The following MAP3K19 variants were observed in gnomAD, a reference collection of about 807,000 sequenced individuals.
The protein encoded by MAP3K19 is mitogen-activated protein kinase kinase kinase 19.
MAP3K19 carries 91 observed loss-of-function variants against 114.4 expected under a neutral mutation model. The observed-to-expected ratio is 0.80, with a 90% CI of 0.67 to 0.95. The LOEUF is 0.95. Among genes scored for constraint, MAP3K19 ranks in the 40% least tolerant of loss-of-function variants. The probability of loss-of-function intolerance (pLI) is 0.00; values close to 1 mark genes in which losing one functional copy is unlikely to be tolerated. For missense variants in MAP3K19, 1,471 were observed against 1,573.2 expected (o/e 0.94, Z 1.10); for synonymous variants, 518 against 530.5 (o/e 0.98, Z 0.32).
At position 134,991,341 on chromosome 2, in the gene MAP3K19, C is replaced by A. The variant is rs571345873; in HGVS notation, c.618+196G>T. 1.7e-5 allele frequency: 10 copies of A among 590,514 alleles called. No homozygotes were observed. In the East Asian group the frequency reaches 2.8e-4, roughly 17 times the overall value. 36.6% of individuals were successfully genotyped at this position (590,514 alleles called of 1,614,324 possible). Reference sequence around the variant, plus strand: ...ACAAAACAAAACAAAACAAAACAACCGGTAGGCTATTAGTAGCTAAGTTTT... The same window carrying A: ...ACAAAACAAAACAAAACAAAACAACAGGTAGGCTATTAGTAGCTAAGTTTT... On this transcript the variant is annotated intron_variant, in intron 9 of 12. Transcript: ENST00000392915.
intron 10 of MAP3K19, among the ~76,000 whole-genome samples, chr2:134,985,387 G>C (rs927511911): frequency 6.6e-6 from 1 of 152,174 alleles, no homozygotes; most frequent in Non-Finnish European, 1.5e-5. Context: ...ACAAAATGGT[G>C]AGCCACTTCT....
intron 5 of MAP3K19, among the ~76,000 whole-genome samples, chr2:135,009,926 A>G (rs1050478323): frequency 6.6e-6 from 1 of 152,136 alleles, no homozygotes; most frequent in African/African-American, 2.4e-5. Flanking sequence ...GTTAGGATCT[A>G]TTATCTTCAT....
chr2:135,000,141 G>C, intron 6 of MAP3K19, 126 bp from the exon 7 acceptor site: 4 of 667,994 alleles, frequency 6.0e-6, no homozygotes, highest in Non-Finnish European at 1.1e-5. Context: ...TTAATCAGGA[G>C]CTGAGGTTTA....
intron 8 of MAP3K19, among the ~76,000 whole-genome samples, chr2:134,997,736 T>C (rs1294363742): frequency 1.3e-5 from 2 of 150,256 alleles, no homozygotes; most frequent in Non-Finnish European, 2.9e-5. Context: ...TGAGAATTGC[T>C]TGAACCCAGG....
chr2:135,023,412 T>A (rs769052555), intron 4 of MAP3K19: 1 of 531,922 alleles, frequency 1.9e-6, no homozygotes, highest in African/African-American at 1.9e-5. Flanking sequence ...TCACCCACCA[T>A]CATGTCCTCA....
chr2:135,000,222 C>A (rs541528886), intron 6 of MAP3K19, among the ~76,000 whole-genome samples: 20 of 152,244 alleles, frequency 1.3e-4, no homozygotes, highest in South Asian at 4.2e-4. Context: ...GAGCAAAAAA[C>A]CATATAATAA....
At chr2:135,033,682 C>T (rs1169610547) in intron 2 of MAP3K19, among the ~76,000 whole-genome samples, 4 of 54,204 alleles carry the variant, frequency 7.4e-5, no homozygotes, top group African/African-American at 1.3e-4. Context: ...CCCGGACGGG[C>T]GGCCGGCCGG....
intron 2 of MAP3K19, among the ~76,000 whole-genome samples, chr2:135,032,249 C>T (rs999183753): frequency 1.9e-4 from 28 of 151,004 alleles, no homozygotes; most frequent in African/African-American, 3.6e-4. Context: ...CCCAGCTATT[C>T]GGGAGGCTGA....
chr2:135,029,583 A>G (rs764016039), intron 3 of MAP3K19, among the ~76,000 whole-genome samples: 9 of 152,186 alleles, frequency 5.9e-5, no homozygotes, highest in Non-Finnish European at 1.3e-4. Context: ...CCTGAGTGGA[A>G]TATCTTTCAC....
Position 134,980,995 on chromosome 2 carries a change from T to C in MAP3K19, c.3746A>G (p.Asp1249Gly), listed in dbSNP as rs1267808769. Reference protein sequence around the residue: ...INESGYGRKSDIWSIGCTVFE... With the variant: ...INESGYGRKSGIWSIGCTVFE... ...CACAGTACAACCAATGCTCCAGATA[T>C]CTGATTTCCGTCCATAGCCAGACTC... is the stretch of plus-strand genomic sequence containing the variant. The change falls in exon 12 of 13, where the codon GAT becomes GGT. Residue 1249 changes from aspartate (D) to glycine (G), a missense_variant. Physicochemically the swap from Asp to Gly is moderately conservative, Grantham distance 94 (BLOSUM62 -1). Transcript: ENST00000392915. 2.2e-5 allele frequency: 36 copies of C among 1,614,090 alleles called. No homozygotes were observed. Among genetic ancestry groups the C allele is most frequent in the Non-Finnish European group, 2.9e-5 (34 of 1,180,060 alleles).
intron 9 of MAP3K19, among the ~76,000 whole-genome samples, chr2:134,988,515 C>T (rs1685339653): frequency 6.6e-6 from 1 of 152,078 alleles, no homozygotes; most frequent in South Asian, 2.1e-4. Context: ...CTCAGCCTCC[C>T]AAGTAGCTGG....
At chr2:134,978,334 C>T (rs112266280) in intron 12 of MAP3K19, among the ~76,000 whole-genome samples, 8,980 of 151,868 alleles carry the variant, frequency 0.059, 749 homozygotes, top group East Asian at 0.38. Flanking sequence ...GCTGGGACTA[C>T]GGGCACACAC....
At chr2:134,991,479 A>T in intron 9 of MAP3K19, 58 bp downstream of exon 9, 1 of 1,433,546 alleles carries the variant, frequency 7.0e-7, no homozygotes, top group Non-Finnish European at 9.8e-7. Flanking sequence ...GTTCTAAATT[A>T]GTGAATAGAG....
rs1467181136 is a variant in MAP3K19 at position 134,988,375 on chromosome 2, T to C, written c.619-122A>G. ...AAGGAAGGCTTTTAAAGTTCAAAGC[T>C]ATCCTGGAAATCACAATTCTTTTTT... On this transcript the variant is annotated intron_variant, in intron 9 of 12. Coordinates refer to ENST00000392915, the MANE Select transcript of MAP3K19 (RefSeq NM_025052.5). The C allele has an allele frequency of 1.8e-5, 15 of 819,580 alleles. No individual in the cohort carries two copies. The East Asian group carries it at 3.9e-4, about 22-fold the overall frequency. 50.8% of individuals were successfully genotyped at this position (819,580 alleles called of 1,614,324 possible).
intron 9 of MAP3K19, 61 bp from the exon 10 acceptor site, chr2:134,988,314 G>A (rs1055609115): frequency 2.4e-5 from 33 of 1,365,508 alleles, no homozygotes; most frequent in East Asian, 1.9e-4. Context: ...ACGCTAACTC[G>A]TTTAAAGTAG....
intron 2 of MAP3K19, among the ~76,000 whole-genome samples, chr2:135,033,820 G>T (rs1382831383): frequency 0.11 from 5 of 46 alleles, 1 homozygote; most frequent in East Asian, 0.17. Flanking sequence ...CTGGCCGGGC[G>T]GGGGGGCTGA....
Position 134,968,409 on chromosome 2 carries a change from G to A in MAP3K19, c.3921-3493C>T, listed in dbSNP as rs1459886985. Among the ~76,000 whole-genome samples, 177 of 149,160 alleles carry A rather than the reference G, an allele frequency of 1.2e-3. 1 individual carries two copies. The highest frequency in any genetic ancestry group is 4.2e-3 in the African/African-American group (170 of 40,064). ...CAGACGGGGTGGTGGCCGGGCAGAG[G>A]GGCTCCTCACATCCCAGTAGGGGCG... On this transcript the variant is annotated intron_variant, in intron 12 of 12. Transcript: ENST00000392915.
intron 6 of MAP3K19, among the ~76,000 whole-genome samples, chr2:135,001,587 G>A (rs1274857602): frequency 6.6e-6 from 1 of 152,182 alleles, no homozygotes; most frequent in Non-Finnish European, 1.5e-5. Flanking sequence ...ATCCTTGAGT[G>A]CAAACACCTA....
At chr2:135,012,086 T>A (rs1411370605) in intron 5 of MAP3K19, among the ~76,000 whole-genome samples, 2 of 152,188 alleles carry the variant, frequency 1.3e-5, no homozygotes, top group East Asian at 3.8e-4. Flanking sequence ...CTATATAATA[T>A]TAGTAACCAA....
Sources: allele counts gnomAD v4.1 joint callset (sites outside exome capture counted in the v4.1 genomes callset), GRCh38; gene constraint gnomAD v4.1.1; transcripts MANE v1.5; gene names NCBI Gene and HGNC (gene_info 2026-07-23, HGNC 2026-07-21).